Variants in KIRREL3 observed in about 807,000 individuals in gnomAD.
KIRREL3 encodes the protein kin of IRRE-like protein 3.
Under a neutral mutation model 89.7 loss-of-function variants are expected in KIRREL3, and 36 were observed. That is an observed-to-expected ratio of 0.40 (90% CI 0.31 to 0.53). The LOEUF (loss-of-function observed/expected upper bound fraction) is 0.53. Among genes scored for constraint, KIRREL3 ranks in the 20% least tolerant of loss-of-function variants. The pLI, the probability that KIRREL3 is intolerant of heterozygous loss-of-function variation, is 0.49. For missense variants in KIRREL3, 864 were observed against 1,056.6 expected, an observed-to-expected ratio of 0.82 and a Z score of 2.53; for synonymous variants, 445 against 441.4, an observed-to-expected ratio of 1.01 and a Z score of -0.10.
chr11:126,558,747 G>A lies in KIRREL3; in HGVS notation c.133+4088C>T, dbSNP rs796877861. ...GAAGCCATGTGCTTTGAGAAGGTGA[G>A]TGGTCTGGATCTCCAGGAGAGAGAG... On this transcript the variant is annotated intron_variant, in intron 2 of 16. Transcript: ENST00000525144. The surrounding 1 kb of genome is among the most constrained non-coding windows in gnomAD (Gnocchi z 4.0). Among the ~76,000 whole-genome samples, 2 of 152,112 alleles carry A rather than the reference G, an allele frequency of 1.3e-5. No homozygotes were observed. Among genetic ancestry groups the A allele is most frequent in the South Asian group, 4.1e-4 (2 of 4,824 alleles).
rs912936445 is a variant in KIRREL3 at position 126,558,309 on chromosome 11, A to G, written c.133+4526T>C. ...TTCTCTGGTCTGTGTCCCTCACTCC[A>G]GGTCTCCCCTGATTTTCTGCAAATC... On this transcript the variant is annotated intron_variant, in intron 2 of 16. Coordinates refer to ENST00000525144, the MANE Select transcript of KIRREL3 (RefSeq NM_032531.4). The surrounding 1 kb of genome is among the most constrained non-coding windows in gnomAD (Gnocchi z 4.0). Among the ~76,000 whole-genome samples the G allele has an allele frequency of 1.3e-5, 2 of 152,076 alleles. No homozygotes were observed. The highest frequency in any genetic ancestry group is 4.8e-5 in the African/African-American group (2 of 41,394).
chr11:126,544,272 G>A lies in KIRREL3; in HGVS notation c.134-17585C>T, dbSNP rs903051934. On this transcript the variant is annotated intron_variant, in intron 2 of 16. Coordinates refer to ENST00000525144, the MANE Select transcript of KIRREL3 (RefSeq NM_032531.4). The surrounding 1 kb of genome is among the most constrained non-coding windows in gnomAD (Gnocchi z 5.6). ...TAGTACTCTGCTCAGAATTTACGGGGCAAATACCATTTAACTGCACAATAA... is the reference window on the plus strand; with the variant it reads ...TAGTACTCTGCTCAGAATTTACGGGACAAATACCATTTAACTGCACAATAA... 1 of 152,150 alleles carries A rather than the reference G, an allele frequency of 6.6e-6. No homozygotes were observed. The allele number at this position is 152,150 out of a possible 1,614,324, so 9.4% of individuals were successfully genotyped here. A position where few individuals can be genotyped will look rare whatever the true frequency, so the allele number is the denominator to read the frequency against.
chr11:126,660,911 T>C (rs1300311363), intron 1 of KIRREL3, among the ~76,000 whole-genome samples: 1 of 152,148 alleles, frequency 6.6e-6, no homozygotes, highest in Non-Finnish European at 1.5e-5. Flanking sequence ...GCTTTGACTT[T>C]TGCAGAGTGA....
chr11:126,864,827 A>G (rs950209617), intron 1 of KIRREL3, among the ~76,000 whole-genome samples: 2 of 152,204 alleles, frequency 1.3e-5, no homozygotes, highest in African/African-American at 4.8e-5. Context: ...CACAAGGGCT[A>G]CTTTGGATCC....
intron 1 of KIRREL3, among the ~76,000 whole-genome samples, chr11:126,957,100 G>A (rs968976750): frequency 2.6e-5 from 4 of 152,198 alleles, no homozygotes; most frequent in African/African-American, 9.7e-5. Context: ...GCTATTGACT[G>A]ATGAATTAAC....
intron 1 of KIRREL3, among the ~76,000 whole-genome samples, chr11:126,583,526 C>T (rs898172050): frequency 9.9e-5 from 15 of 152,274 alleles, no homozygotes; most frequent in Admixed American, 5.2e-4. Context: ...AATGAATATA[C>T]GAAGGAGTCT....
intron 1 of KIRREL3, among the ~76,000 whole-genome samples, chr11:126,913,712 A>G (rs1360593260): frequency 6.6e-6 from 1 of 152,240 alleles, no homozygotes; most frequent in African/African-American, 2.4e-5. Flanking sequence ...TCAGAAGCCC[A>G]AAGAATGCCT....
intron 4 of KIRREL3, among the ~76,000 whole-genome samples, chr11:126,509,140 ATCTTATC>A (rs762563195): frequency 6.6e-6 from 1 of 152,164 alleles, no homozygotes; most frequent in Non-Finnish European, 1.5e-5. Flanking sequence ...AGGCATGAGC[ATCTTATC>A]TCTGATGAAC....
rs1480661884 is a variant in KIRREL3, at chr11:126,608,912, G to C, written c.56-46000C>G. Among the ~76,000 whole-genome samples, 1 of 152,248 alleles carries C rather than the reference G, an allele frequency of 6.6e-6. No individual in the cohort carries two copies. Among genetic ancestry groups the C allele is most frequent in the Non-Finnish European group, 1.5e-5 (1 of 68,050 alleles). On this transcript the variant is annotated intron_variant, in intron 1 of 16. Coordinates refer to ENST00000525144, the MANE Select transcript of KIRREL3 (RefSeq NM_032531.4). The surrounding 1 kb of genome is among the most constrained non-coding windows in gnomAD (Gnocchi z 4.9). ...GATGGAGAAGCAGCTCTGGAGCCCA[G>C]CTTGCTGTTAGCCCTGAGAAACAAG... is the stretch of plus-strand genomic sequence containing the variant.
chr11:126,862,792 A>G (rs1475033729), intron 1 of KIRREL3, among the ~76,000 whole-genome samples: 1 of 152,214 alleles, frequency 6.6e-6, no homozygotes, highest in Non-Finnish European at 1.5e-5. Context: ...CAGAACAGCC[A>G]CAGAGAAATC....
rs537145891 is a variant in KIRREL3 at position 126,532,841 on chromosome 11, G to A, written c.134-6154C>T. On this transcript the variant is annotated intron_variant, in intron 2 of 16. Coordinates refer to ENST00000525144, the MANE Select transcript of KIRREL3 (RefSeq NM_032531.4). ...ACCATAGGAAGATTAAAAGAAAGGA[G>A]GTGTACTAGTTACCATTACTTATAA... Among the ~76,000 whole-genome samples, 4 of 151,796 alleles carry A rather than the reference G, an allele frequency of 2.6e-5. No individual in the cohort carries two copies. In the East Asian group the frequency reaches 7.7e-4, roughly 29 times the overall value.
rs533735754 is a variant in KIRREL3 at position 126,652,019 on chromosome 11, C to T, written c.56-89107G>A. On this transcript the variant is annotated intron_variant, in intron 1 of 16. Coordinates refer to ENST00000525144, the MANE Select transcript of KIRREL3 (RefSeq NM_032531.4). The surrounding 1 kb of genome is among the most constrained non-coding windows in gnomAD (Gnocchi z 4.9). ...GCCAATGGGAGAATGAGGCAAAAAG[C>T]GGAGTTCATCCTTGTGCTAACCAAA... 2.6e-5 allele frequency among the ~76,000 whole-genome samples: 4 copies of T among 152,250 alleles called. No homozygotes were observed. The highest frequency in any genetic ancestry group is 3.9e-4 in the East Asian group (2 of 5,186).
At chr11:126,581,087 G>A (rs1055449167) in intron 1 of KIRREL3, among the ~76,000 whole-genome samples, 1 of 152,098 alleles carries the variant, frequency 6.6e-6, no homozygotes, top group African/African-American at 2.4e-5. Context: ...GCAGCCATGG[G>A]AATGAAGGGT....
rs1310640448 is a variant in KIRREL3 at position 126,684,418 on chromosome 11, T to C, written c.56-121506A>G. Among the ~76,000 whole-genome samples, 2 of 152,222 alleles carry C rather than the reference T, an allele frequency of 1.3e-5. No homozygotes were observed. The highest frequency in any genetic ancestry group is 2.4e-5 in the African/African-American group (1 of 41,456). ...TCGAAGCAAAACCTCCTGGTTGAAC[T>C]GGCTTCCCTGCCCCTCCAAAGTGGT... On this transcript the variant is annotated intron_variant, in intron 1 of 16. Transcript: ENST00000525144. The surrounding 1 kb of genome is among the most constrained non-coding windows in gnomAD (Gnocchi z 4.2).
In KIRREL3 at chr11:126,969,579, A is replaced by G. The variant is rs186896264; in HGVS notation, c.55+30876T>C. 6.6e-6 allele frequency among the ~76,000 whole-genome samples: 1 copy of G among 152,158 alleles called. No homozygotes were observed. The highest frequency in any genetic ancestry group is 2.4e-5 in the African/African-American group (1 of 41,450). ...AGAGCCAGCCAAGCAATCCCACAGG[A>G]GAACACAAGAAATATCCCCACGGCA... On this transcript the variant is annotated intron_variant, in intron 1 of 16. Transcript: ENST00000525144. This position sits in a 1 kb window ranked among gnomAD's most constrained non-coding sequence, Gnocchi z 4.9.
In KIRREL3 at chr11:126,905,665, A is replaced by G. The variant is rs988909985; in HGVS notation, c.55+94790T>C. On this transcript the variant is annotated intron_variant, in intron 1 of 16. Transcript: ENST00000525144. This position sits in a 1 kb window ranked among gnomAD's most constrained non-coding sequence, Gnocchi z 5.0. Reference sequence around the variant, plus strand: ...TCGGTGTGCTAAATGGCATGTCTCCATTCTCCAATCTGTCTGGCCATGAAC... The same window carrying G: ...TCGGTGTGCTAAATGGCATGTCTCCGTTCTCCAATCTGTCTGGCCATGAAC... Among the ~76,000 whole-genome samples, 2 of 152,046 alleles carry G rather than the reference A, an allele frequency of 1.3e-5. No individual in the cohort carries two copies. The highest frequency in any genetic ancestry group is 4.8e-5 in the African/African-American group (2 of 41,392).
rs1199408425 is a variant in KIRREL3 at position 126,723,918 on chromosome 11, T to C, written c.56-161006A>G. ...CTCTGCCTAGGGTTTTTAGGAATTT[T>C]CTTCTATTCAAGATCATAATTGCAG... is the stretch of plus-strand genomic sequence containing the variant. On this transcript the variant is annotated intron_variant, in intron 1 of 16. Transcript: ENST00000525144. This position sits in a 1 kb window ranked among gnomAD's most constrained non-coding sequence, Gnocchi z 4.0. Among the ~76,000 whole-genome samples, 32 of 152,218 alleles carry C rather than the reference T, an allele frequency of 2.1e-4. No homozygotes were observed. Among genetic ancestry groups the C allele is most frequent in the Non-Finnish European group, 7.3e-5 (5 of 68,044 alleles).
chr11:126,833,705 G>GCTGCAGACACA (rs1228098532), intron 1 of KIRREL3, among the ~76,000 whole-genome samples: 2 of 152,202 alleles, frequency 1.3e-5, no homozygotes. Context: ...AGGCAGACAG[G>GCTGCAGACACA]CTGCAGACAC....
rs896312319 is a variant in KIRREL3, at chr11:126,676,077, C to G, written c.56-113165G>C. 3.3e-5 allele frequency among the ~76,000 whole-genome samples: 5 copies of G among 152,058 alleles called. No individual in the cohort carries two copies. Among genetic ancestry groups the G allele is most frequent in the African/African-American group, 1.2e-4 (5 of 41,388 alleles). ...TTGAGAAAGGAAGAGGATGCCAGGT[C>G]CAGTTTGGGACATACTGAATTTCAG... On this transcript the variant is annotated intron_variant, in intron 1 of 16. Coordinates refer to ENST00000525144, the MANE Select transcript of KIRREL3 (RefSeq NM_032531.4). The surrounding 1 kb of genome is among the most constrained non-coding windows in gnomAD (Gnocchi z 4.5).
Sources: gnomAD v4.1 joint callset for allele counts (sites outside exome capture counted in the v4.1 genomes callset) on GRCh38, gnomAD v4.1.1 for gene constraint, Gnocchi (gnomAD v3.1) non-coding constraint, MANE v1.5 for transcripts, NCBI Gene and HGNC (gene_info 2026-07-23, HGNC 2026-07-21) for gene names.